The following NPAS3 variants were observed in gnomAD, a reference collection of about 807,000 sequenced individuals.
NPAS3 encodes neuronal PAS domain-containing protein 3.
Under a neutral mutation model 73.1 loss-of-function variants are expected in NPAS3, and 14 were observed. The ratio of observed to expected loss-of-function variants is 0.19; its 90% CI spans 0.13 to 0.30. The LOEUF (loss-of-function observed/expected upper bound fraction) is 0.30, where lower values mean the gene tolerates loss of function less well. Among genes scored for constraint, NPAS3 ranks in the 10% least tolerant of loss-of-function variants. The probability of loss-of-function intolerance (pLI) is 1.00; values close to 1 mark genes in which losing one functional copy is unlikely to be tolerated. For missense variants in NPAS3, 1,096 were observed against 1,250.0 expected (o/e 0.88, Z 1.86); for synonymous variants, 620 against 541.5 (o/e 1.14, Z -2.01).
chr14:33,521,520 A>AC (rs2053554811), intron 4 of NPAS3, among the ~76,000 whole-genome samples: 1 of 151,834 alleles, frequency 6.6e-6, no homozygotes, highest in Admixed American at 6.6e-5. Context: ...CTTTAAAAAA[A>AC]AAAAAAAAAA....
In NPAS3 at chr14:33,780,906, C is replaced by T. The variant is rs149878454; in HGVS notation, c.1153+2334C>T. 2,236 of 247,450 alleles carry T rather than the reference C, an allele frequency of 9.0e-3. 22 individuals are homozygous for T. Among genetic ancestry groups the T allele is most frequent in the Non-Finnish European group, 0.014 (1,706 of 124,946 alleles). The allele number at this position is 247,450 out of a possible 1,614,324, so 15.3% of individuals were successfully genotyped here. ...TTTTCATTACTTGATATTGACATAC[C>T]GGCTATTGCTTTATGATTCAGCCTA... On this transcript the variant is annotated intron_variant, in intron 9 of 11. Coordinates refer to ENST00000356141, the Ensembl canonical transcript of NPAS3.
intron 5 of NPAS3, among the ~76,000 whole-genome samples, 158 bp from the exon 6 acceptor site, chr14:33,676,053 G>T (rs939721420): frequency 7.2e-5 from 11 of 151,838 alleles, no homozygotes; most frequent in Non-Finnish European, 1.2e-4. Context: ...TTCACCTCAA[G>T]AATTCTTAAG....
At chr14:33,396,108 T>G (rs2047211947) in intron 4 of NPAS3, among the ~76,000 whole-genome samples, 2 of 152,164 alleles carry the variant, frequency 1.3e-5, no homozygotes, top group Admixed American at 1.3e-4. Flanking sequence ...AAAGGGATAG[T>G]GAAGACTTTG....
chr14:33,591,872 G>A (rs1447148179), intron 5 of NPAS3, among the ~76,000 whole-genome samples: 2 of 152,132 alleles, frequency 1.3e-5, no homozygotes, highest in African/African-American at 2.4e-5. Flanking sequence ...ACAATCTGTG[G>A]CCCAGTTGCT....
intron 4 of NPAS3, among the ~76,000 whole-genome samples, chr14:33,480,359 G>T (rs183742083): frequency 1.3e-5 from 2 of 152,144 alleles, no homozygotes; most frequent in African/African-American, 4.8e-5. Flanking sequence ...TCAGTCATGC[G>T]CTGCTATCAT....
chr14:33,436,852 G>A (rs2139212811), intron 4 of NPAS3, among the ~76,000 whole-genome samples: 1 of 152,270 alleles, frequency 6.6e-6, no homozygotes, highest in Non-Finnish European at 1.5e-5. Flanking sequence ...GAGAAACCAA[G>A]GACATTGACT....
At chr14:33,524,503 A>G (rs2053703197) in intron 4 of NPAS3, among the ~76,000 whole-genome samples, 1 of 152,300 alleles carries the variant, frequency 6.6e-6, no homozygotes, top group Admixed American at 6.5e-5. Flanking sequence ...CAGTTAATCA[A>G]TAATCTGCCA....
In NPAS3 at chr14:33,800,368, C is replaced by A; in HGVS notation, c.2061C>A (p.Ser687Arg). 6.2e-7 allele frequency: 1 copy of A among 1,610,598 alleles called. No individual in the cohort carries two copies. Among genetic ancestry groups the A allele is most frequent in the Non-Finnish European group, 8.5e-7 (1 of 1,178,864 alleles). ...CCTACAGCATGACCAAGCCCCCCAG[C>A]TCTGAGCACTTCCCGTCCCCGCAGG... Residue 687 changes from serine to arginine, a missense_variant, in exon 12 of 12, where the codon AGC becomes AGA. By Grantham distance (110) the Ser-to-Arg change is moderately radical. Coordinates refer to ENST00000356141, the Ensembl canonical transcript of NPAS3. This position sits in a 1 kb window ranked among gnomAD's most constrained non-coding sequence, Gnocchi z 6.5.
At chr14:33,577,608 A>G (rs865901058) in intron 5 of NPAS3, among the ~76,000 whole-genome samples, 2 of 152,240 alleles carry the variant, frequency 1.3e-5, no homozygotes, top group South Asian at 4.2e-4. Context: ...CTCATATCCC[A>G]TGCCCTTCTT....
intron 2 of NPAS3, among the ~76,000 whole-genome samples, chr14:33,140,260 G>C (rs1335680660): frequency 1.3e-5 from 2 of 152,072 alleles, no homozygotes; most frequent in African/African-American, 4.8e-5. Flanking sequence ...TGACACTCAG[G>C]TGGCTAATAC....
chr14:33,768,455 A>G (rs1247714150), intron 7 of NPAS3, among the ~76,000 whole-genome samples: 1 of 152,224 alleles, frequency 6.6e-6, no homozygotes, highest in African/African-American at 2.4e-5. Context: ...TTTCAATTCA[A>G]ATATGATCTA....
chr14:33,422,233 A>T (rs889176337), intron 4 of NPAS3, among the ~76,000 whole-genome samples: 3 of 151,958 alleles, frequency 2.0e-5, no homozygotes, highest in Non-Finnish European at 4.4e-5. Context: ...CTGAGAGTTG[A>T]TGGGGAAATA....
chr14:33,650,283 CAT>C (rs1311569909), intron 5 of NPAS3, among the ~76,000 whole-genome samples: 7 of 152,138 alleles, frequency 4.6e-5, no homozygotes, highest in Non-Finnish European at 8.8e-5. Context: ...GGCAGATTGA[CAT>C]AGAATTATTG....
At chr14:33,516,696 T>C (rs1321264428) in intron 4 of NPAS3, among the ~76,000 whole-genome samples, 2 of 152,132 alleles carry the variant, frequency 1.3e-5, no homozygotes, top group African/African-American at 4.8e-5. Context: ...TGCAAAGCCC[T>C]TTAAGTGGAT....
intron 4 of NPAS3, among the ~76,000 whole-genome samples, chr14:33,511,224 A>G (rs747267791): frequency 1.6e-4 from 24 of 152,110 alleles, no homozygotes; most frequent in South Asian, 6.2e-4. Flanking sequence ...GCAGAAACGC[A>G]TCAGACTCTT....
At chr14:33,434,492 A>T (rs1408701997) in intron 4 of NPAS3, among the ~76,000 whole-genome samples, 2 of 151,650 alleles carry the variant, frequency 1.3e-5, no homozygotes, top group Non-Finnish European at 2.9e-5. Context: ...ACACCACTGC[A>T]CCCCAGCCTG....
chr14:33,128,156 A>C (rs2043498749), intron 2 of NPAS3, among the ~76,000 whole-genome samples: 1 of 152,202 alleles, frequency 6.6e-6, no homozygotes. Context: ...ACCTCACTTA[A>C]ATCCCAGTGG....
At chr14:33,762,969 G>A (rs1384241936) in intron 7 of NPAS3, among the ~76,000 whole-genome samples, 1 of 152,180 alleles carries the variant, frequency 6.6e-6, no homozygotes, top group Non-Finnish European at 1.5e-5. Context: ...AATGGAAGGG[G>A]ATATGTTCTC....
chr14:33,306,913 T>G (rs3910616), intron 3 of NPAS3, among the ~76,000 whole-genome samples: 6,136 of 152,270 alleles, frequency 0.04, 143 homozygotes, highest in Non-Finnish European at 0.061. Context: ...AACAAGTGTC[T>G]ATTCGGGTTC....
Sources: allele counts gnomAD v4.1 joint callset (sites outside exome capture counted in the v4.1 genomes callset), GRCh38; gene constraint gnomAD v4.1.1; non-coding constraint Gnocchi (gnomAD v3.1); transcripts MANE v1.5; gene names NCBI Gene and HGNC (gene_info 2026-07-23, HGNC 2026-07-21).